Variants in LCN9 observed in about 807,000 individuals in gnomAD.
LCN9 encodes lipocalin 9.
In LCN9, 22 loss-of-function variants were observed where a neutral mutation model predicts 18.5. The ratio of observed to expected loss-of-function variants is 1.19; its 90% CI spans 0.85 to 1.70. LCN9 has a LOEUF of 1.70. Among genes scored for constraint, LCN9 ranks in the 40% most tolerant of loss-of-function variants. LCN9 has a pLI of 0.00. For missense variants in LCN9, 202 were observed against 201.3 expected (o/e 1.00, Z -0.02); for synonymous variants, 89 against 83.0 (o/e 1.07, Z -0.39).
Position 135,665,740 on chromosome 9 carries a change from T to C in LCN9, c.471T>C (p.Thr157=). The change falls in exon 5 of 6, where the codon ACT becomes ACC. Residue 157 remains threonine (T), a synonymous_variant. Transcript: ENST00000619315. This position sits in a 1 kb window ranked among gnomAD's most constrained non-coding sequence, Gnocchi z 5.9. ...ACTTGGCTCACAAAATATCATCGACTTGACCAACAAAGGTCAGCCCCACTG... is the reference window on the plus strand; with the variant it reads ...ACTTGGCTCACAAAATATCATCGACCTGACCAACAAAGGTCAGCCCCACTG... The C allele has an allele frequency of 6.2e-7, 1 of 1,613,536 alleles. No individual in the cohort carries two copies. The highest frequency in any genetic ancestry group is 8.5e-7 in the Non-Finnish European group (1 of 1,179,722).
chr9:135,666,262 C>G lies in LCN9; in HGVS notation c.*411C>G, dbSNP rs528634519. The stretch of plus-strand genomic sequence containing the variant: ...GGGCTGTGCTCCCTCCACCAGCTCC[C>G]GGGAAGGGTCCTTCCTGCCTCTTCC... On this transcript the variant is annotated 3_prime_UTR_variant, in exon 6 of 6. Coordinates refer to ENST00000619315, the Ensembl canonical transcript of LCN9. 45 of 981,724 alleles carry G rather than the reference C, an allele frequency of 4.6e-5. No homozygotes were observed. In the African/African-American group the frequency reaches 6.2e-4, roughly 13 times the overall value. 60.8% of individuals were successfully genotyped at this position (981,724 alleles called of 1,614,324 possible).
At position 135,664,198 on chromosome 9, in the gene LCN9, G is replaced by C. The variant is rs766553754; in HGVS notation, c.133G>C (p.Asp45His). The C allele has an allele frequency of 6.2e-7, 1 of 1,613,728 alleles. No individual in the cohort carries two copies. Among genetic ancestry groups the C allele is most frequent in the Middle Eastern group, 1.7e-4 (1 of 6,060 alleles). The change falls in exon 2 of 6, where the codon GAT (aspartate) becomes CAT (histidine). Residue 45 changes from aspartate to histidine, a missense_variant. Coordinates refer to ENST00000619315, the Ensembl canonical transcript of LCN9. This position sits in a 1 kb window ranked among gnomAD's most constrained non-coding sequence, Gnocchi z 4.5. The stretch of plus-strand genomic sequence containing the variant: ...CTGGTATTCTATTTTCATGGCCTCA[G>C]ATGACCTGAATCGGATTAAAGAAAA...
Position 135,664,691 on chromosome 9 carries a change from C to A in LCN9, c.234-31C>A. 6.5e-7 allele frequency: 1 copy of A among 1,549,364 alleles called. No individual in the cohort carries two copies. Among genetic ancestry groups the A allele is most frequent in the Non-Finnish European group, 8.7e-7 (1 of 1,149,116 alleles). ...TCGCACGTCCAGGGGGCTGGAGCTC[C>A]ACTCCCGGCATCTTCCTGGCTGGCT... On this transcript the variant is annotated intron_variant, in intron 2 of 5. Transcript: ENST00000619315. The surrounding 1 kb of genome is among the most constrained non-coding windows in gnomAD (Gnocchi z 4.5).
rs1283786568 is a variant in LCN9, at chr9:135,665,880, T to A, written c.*29T>A. The A allele has an allele frequency of 1.9e-6, 3 of 1,612,788 alleles. No individual in the cohort carries two copies. The highest frequency in any genetic ancestry group is 8.5e-7 in the Non-Finnish European group (1 of 1,179,588). ...TTCCAGATCCCTGCTACTCCAAGCA[T>A]TACAGGAGCCCGCCCAGGCCTCCCA... On this transcript the variant is annotated 3_prime_UTR_variant, in exon 6 of 6. Transcript: ENST00000619315. The surrounding 1 kb of genome is among the most constrained non-coding windows in gnomAD (Gnocchi z 5.9).
At chr9:135,663,652 G>GACTGTGGGCGCT in intron 1 of LCN9, among the ~76,000 whole-genome samples, 1 of 151,946 alleles carries the variant, frequency 6.6e-6, no homozygotes, top group East Asian at 1.9e-4. Flanking sequence ...TGGGAGGGCA[G>GACTGTGGGCGCT]AGGGGAAAGC....
rs772318274 is a variant in LCN9 at position 135,664,269 on chromosome 9, C to T, written c.204C>T (p.Asn68=). 17 of 1,613,706 alleles carry T rather than the reference C, an allele frequency of 1.1e-5. No individual in the cohort carries two copies. Among genetic ancestry groups the T allele is most frequent in the African/African-American group, 6.7e-5 (5 of 74,878 alleles). ...TCCGGAATATTGAACACTTGAAGAA[C>T]GGCAGCCTAATATTTGATTTCGAAT... Residue 68 remains asparagine (N), a synonymous_variant, in exon 2 of 6, where the codon AAC becomes AAT. Transcript: ENST00000619315. The surrounding 1 kb of genome is among the most constrained non-coding windows in gnomAD (Gnocchi z 4.5).
chr9:135,665,261 A>T lies in LCN9; in HGVS notation c.324A>T (p.Thr108=), dbSNP rs1190127137. Reference sequence around the variant, plus strand: ...TCCACGCAGATGAGGGCCAGAACACAGTGGCCGTCTCGGAGACTGACTACA... The same window carrying T: ...TCCACGCAGATGAGGGCCAGAACACTGTGGCCGTCTCGGAGACTGACTACA... The change falls in exon 4 of 6, where the codon ACA becomes ACT. Residue 108 remains threonine, a synonymous_variant. Transcript: ENST00000619315. This position sits in a 1 kb window ranked among gnomAD's most constrained non-coding sequence, Gnocchi z 5.9. 2 of 1,597,154 alleles carry T rather than the reference A, an allele frequency of 1.3e-6. No individual in the cohort carries two copies. The highest frequency in any genetic ancestry group is 2.3e-5 in the South Asian group (2 of 87,798).
chr9:135,663,589 G>GGTGGGAGAGGC (rs1283617366), intron 1 of LCN9, among the ~76,000 whole-genome samples, 172 bp downstream of exon 1: 1 of 151,906 alleles, frequency 6.6e-6, no homozygotes, highest in African/African-American at 2.4e-5. Flanking sequence ...GGGAGGGTCG[G>GGTGGGAGAGGC]GTGGGAGAGG....
At position 135,665,033 on chromosome 9, in the gene LCN9, G is replaced by A. The variant is rs1834193309; in HGVS notation, c.308-212G>A. On this transcript the variant is annotated intron_variant, in intron 3 of 5. Coordinates refer to ENST00000619315, the Ensembl canonical transcript of LCN9. This position sits in a 1 kb window ranked among gnomAD's most constrained non-coding sequence, Gnocchi z 5.9. ...GGGTGAGCCCACTGAGGGGCCACCAGGGTCTGCAAGCCAATGACAAGGAGG... is the reference window on the plus strand; with the variant it reads ...GGGTGAGCCCACTGAGGGGCCACCAAGGTCTGCAAGCCAATGACAAGGAGG... Among the ~76,000 whole-genome samples the A allele has an allele frequency of 6.6e-6, 1 of 152,120 alleles. No individual in the cohort carries two copies. The highest frequency in any genetic ancestry group is 2.4e-5 in the African/African-American group (1 of 41,426).
Position 135,664,723 on chromosome 9 carries a change from G to T in LCN9, c.235G>T (p.Val79Leu). 1 of 1,593,952 alleles carries T rather than the reference G, an allele frequency of 6.3e-7. No individual in the cohort carries two copies. The highest frequency in any genetic ancestry group is 2.3e-5 in the East Asian group (1 of 43,960). Residue 79 changes from valine to leucine, a missense_variant and splice_region_variant, in exon 3 of 6, where the codon GTG becomes TTG. Val to Leu is a conservative substitution (Grantham distance 32). Coordinates refer to ENST00000619315, the Ensembl canonical transcript of LCN9. This position sits in a 1 kb window ranked among gnomAD's most constrained non-coding sequence, Gnocchi z 4.5. ...GGCATCTTCCTGGCTGGCTTCCAGG[G>T]TGCAGGGGGAGTGTGTGGCTGTGGT...
rs555747582 is a variant in LCN9 at position 135,665,173 on chromosome 9, G to A, written c.308-72G>A. ...CACTTGACCCCCCATCCTCACTTGC[G>A]GCCACACAGCACGTGTCACAGGACC... On this transcript the variant is annotated intron_variant, in intron 3 of 5. Coordinates refer to ENST00000619315, the Ensembl canonical transcript of LCN9. This position sits in a 1 kb window ranked among gnomAD's most constrained non-coding sequence, Gnocchi z 5.9. 2.4e-5 allele frequency: 25 copies of A among 1,063,244 alleles called. No individual in the cohort carries two copies. The highest frequency in any genetic ancestry group is 3.3e-5 in the Non-Finnish European group (23 of 705,898). 65.9% of individuals were successfully genotyped at this position (1,063,244 alleles called of 1,614,324 possible).
Position 135,665,790 on chromosome 9 carries a change from A to G in LCN9, c.*9+38A>G. 1 of 1,612,484 alleles carries G rather than the reference A, an allele frequency of 6.2e-7. No individual in the cohort carries two copies. The highest frequency in any genetic ancestry group is 8.5e-7 in the Non-Finnish European group (1 of 1,179,260). Reference sequence around the variant, plus strand: ...GCTCCCGGACCAAGCGGGAGCCGGGACAGGGTGGGGATGGGAGGTGTGCCT... The same window carrying G: ...GCTCCCGGACCAAGCGGGAGCCGGGGCAGGGTGGGGATGGGAGGTGTGCCT... On this transcript the variant is annotated intron_variant, in intron 5 of 5. Transcript: ENST00000619315. This position sits in a 1 kb window ranked among gnomAD's most constrained non-coding sequence, Gnocchi z 5.9.
rs998755957 is a variant in LCN9 at position 135,664,562 on chromosome 9, C to T, written c.234-160C>T. ...TGAGGTTCGAGGAGATGAGGGTGTC[C>T]GGTGGGCTGCAGCAGGGCCCAGCCC... On this transcript the variant is annotated intron_variant, in intron 2 of 5. Transcript: ENST00000619315. This position sits in a 1 kb window ranked among gnomAD's most constrained non-coding sequence, Gnocchi z 4.5. Among the ~76,000 whole-genome samples, 7 of 151,972 alleles carry T rather than the reference C, an allele frequency of 4.6e-5. No homozygotes were observed. The highest frequency in any genetic ancestry group is 7.3e-5 in the African/African-American group (3 of 41,332).
chr9:135,665,671 C>T lies in LCN9; in HGVS notation c.419-17C>T, dbSNP rs374609658. On this transcript the variant is annotated splice_polypyrimidine_tract_variant and intron_variant, in intron 4 of 5. Transcript: ENST00000619315. This position sits in a 1 kb window ranked among gnomAD's most constrained non-coding sequence, Gnocchi z 5.9. ...CCCAGCACGGGTCCCATAGCTGGAACCCTCCTTCCTGAGCAGATTTGAAGA... is the reference window on the plus strand; with the variant it reads ...CCCAGCACGGGTCCCATAGCTGGAATCCTCCTTCCTGAGCAGATTTGAAGA... 34 of 1,609,970 alleles carry T rather than the reference C, an allele frequency of 2.1e-5. No individual in the cohort carries two copies. The highest frequency in any genetic ancestry group is 3.3e-4 in the Middle Eastern group (2 of 6,084).
chr9:135,663,341 G>C, exon 1 of LCN9: 2 of 1,613,834 alleles, frequency 1.2e-6, no homozygotes, highest in Non-Finnish European at 1.7e-6. Context: ...CTTCTGCTGA[G>C]CCTGGGGCTG....
chr9:135,665,509 C>T lies in LCN9; in HGVS notation c.418+154C>T. 2 of 814,750 alleles carry T rather than the reference C, an allele frequency of 2.5e-6. No individual in the cohort carries two copies. The highest frequency in any genetic ancestry group is 4.0e-6 in the Non-Finnish European group (2 of 502,832). The allele number at this position is 814,750 out of a possible 1,614,324, so 50.5% of individuals were successfully genotyped here. On this transcript the variant is annotated intron_variant, in intron 4 of 5. Transcript: ENST00000619315. The surrounding 1 kb of genome is among the most constrained non-coding windows in gnomAD (Gnocchi z 5.9). ...TTCCCACAGACACACCGTTAGGGTG[C>T]TGGGTGCTTCAATCTGTCACCTCCC...
rs746978499 is a variant in LCN9, at chr9:135,665,337, C to G, written c.400C>G (p.His134Asp). ...GAACTTCAGGAACGGGACCGAGACC[C>G]ACACGCTGGCGCTCTATGGTACCTC... Residue 134 changes from histidine (H) to aspartate (D), a missense_variant, in exon 4 of 6, where the codon CAC becomes GAC. By Grantham distance (81) the His-to-Asp change is moderately conservative. Coordinates refer to ENST00000619315, the Ensembl canonical transcript of LCN9. The surrounding 1 kb of genome is among the most constrained non-coding windows in gnomAD (Gnocchi z 5.9). The G allele has an allele frequency of 3.8e-6, 6 of 1,571,772 alleles. No individual in the cohort carries two copies. Among genetic ancestry groups the G allele is most frequent in the Admixed American group, 3.6e-5 (2 of 56,210 alleles).
At position 135,664,014 on chromosome 9, in the gene LCN9, G is replaced by A; in HGVS notation, c.97-148G>A. 1.3e-6 allele frequency: 1 copy of A among 774,746 alleles called. No individual in the cohort carries two copies. The highest frequency in any genetic ancestry group is 1.9e-5 in the South Asian group (1 of 54,002). The allele number at this position is 774,746 out of a possible 1,614,324, so 48.0% of individuals were successfully genotyped here. A position where few individuals can be genotyped will look rare whatever the true frequency, so the allele number is the denominator to read the frequency against. ...GGTAAAGGGGGGATCTGGTGACGAG[G>A]GGAGACCTGGGGGCACTGGAAGGGC... On this transcript the variant is annotated intron_variant, in intron 1 of 5. Transcript: ENST00000619315. The surrounding 1 kb of genome is among the most constrained non-coding windows in gnomAD (Gnocchi z 4.5).
In LCN9 at chr9:135,664,759, G is replaced by A. The variant is rs751912447; in HGVS notation, c.271G>A (p.Glu91Lys). 38 of 1,597,554 alleles carry A rather than the reference G, an allele frequency of 2.4e-5. No homozygotes were observed. Among genetic ancestry groups the A allele is most frequent in the East Asian group, 2.0e-4 (9 of 44,172 alleles). ...GTGTGTGGCTGTGGTCGTGGTCTGC[G>A]AGAAGACAGAGAAGAATGGGGAATA... is the stretch of plus-strand genomic sequence containing the variant. Residue 91 changes from glutamate to lysine, a missense_variant, in exon 3 of 6, where the codon GAG becomes AAG. Glu to Lys is a moderately conservative substitution (Grantham distance 56, BLOSUM62 1). Coordinates refer to ENST00000619315, the Ensembl canonical transcript of LCN9. The surrounding 1 kb of genome is among the most constrained non-coding windows in gnomAD (Gnocchi z 4.5).
Sources: gnomAD v4.1 joint callset for allele counts (sites outside exome capture counted in the v4.1 genomes callset) on GRCh38, gnomAD v4.1.1 for gene constraint, Gnocchi (gnomAD v3.1) non-coding constraint, MANE v1.5 for transcripts, NCBI Gene and HGNC (gene_info 2026-07-23, HGNC 2026-07-21) for gene names.